CD8B2: variants seen among roughly 807,000 people sequenced by gnomAD.
The protein encoded by CD8B2 is T-cell surface glycoprotein CD8 beta-2 chain.
In CD8B2, 11 loss-of-function variants were observed where a neutral mutation model predicts 23.7. The ratio of observed to expected loss-of-function variants is 0.46; its 90% CI spans 0.29 to 0.77. The LOEUF (loss-of-function observed/expected upper bound fraction) is 0.77. CD8B2 is among the 30% of genes least tolerant of loss of function. The pLI, the probability that CD8B2 is intolerant of heterozygous loss-of-function variation, is 0.09. For synonymous variants in CD8B2, 90 were observed against 109.3 expected (o/e 0.82, Z 1.10); for missense variants, 197 against 270.5 (o/e 0.73, Z 1.91).
chr2:106,491,031 C>T lies in CD8B2; in HGVS notation c.201C>T (p.His67=), dbSNP rs183575941. 3.0e-4 allele frequency: 492 copies of T among 1,613,948 alleles called. 1 individual carries two copies. Among genetic ancestry groups the T allele is most frequent in the Non-Finnish European group, 1.2e-4 (139 of 1,179,846 alleles). The change falls in exon 2 of 6, where the codon CAC becomes CAT. Residue 67 remains histidine, a synonymous_variant. Transcript: ENST00000643224. The stretch of plus-strand genomic sequence containing the variant: ...AGGCCCCGAGCAGTGATAGTCACCA[C>T]GAGTTCCTGACCCTCTGGGATTCCG... ...QRQAPSSDSH[H]EFLTLWDSAK... is the part of the protein sequence containing the mutation.
intron 5 of CD8B2, among the ~76,000 whole-genome samples, chr2:106,516,857 A>G (rs1411790164): frequency 6.6e-6 from 1 of 150,930 alleles, no homozygotes; most frequent in East Asian, 1.9e-4. Context: ...AGGCTTTTTC[A>G]AAATTTATTA....
Position 106,509,177 on chromosome 2 carries a change from C to G in CD8B2, c.*2237C>G, listed in dbSNP as rs1242509566. The G allele has an allele frequency of 6.6e-6, 1 of 152,286 alleles. No homozygotes were observed. Among genetic ancestry groups the G allele is most frequent in the East Asian group, 1.9e-4 (1 of 5,188 alleles). The allele number at this position is 152,286 out of a possible 1,614,324, so 9.4% of individuals were successfully genotyped here. The stretch of plus-strand genomic sequence containing the variant: ...TTCTCCTTGATTCAGCACGAATTGG[C>G]CTTAGATTCCCTGGCCCCAGACCCT... On this transcript the variant is annotated 3_prime_UTR_variant, in exon 6 of 6. Coordinates refer to ENST00000643224, the MANE Select transcript of CD8B2 (RefSeq NM_001349727.2).
At chr2:106,495,972 T>C (rs940838484) in intron 2 of CD8B2, among the ~76,000 whole-genome samples, 5 of 151,960 alleles carry the variant, frequency 3.3e-5, no homozygotes, top group Non-Finnish European at 7.4e-5. Context: ...CTAAACTTTT[T>C]ATTTTTTGTA....
intron 5 of CD8B2, among the ~76,000 whole-genome samples, chr2:106,523,862 C>T (rs905701890): frequency 3.3e-5 from 5 of 152,158 alleles, no homozygotes; most frequent in Non-Finnish European, 7.3e-5. Context: ...GAATTGCTTT[C>T]TCATTGGGTC....
At chr2:106,495,646 C>G (rs371117456) in intron 2 of CD8B2, among the ~76,000 whole-genome samples, 4 of 152,152 alleles carry the variant, frequency 2.6e-5, no homozygotes, top group Non-Finnish European at 4.4e-5. Context: ...AAAGCTGAAC[C>G]CCATCCCTAG....
rs891491604 is a variant in CD8B2 at position 106,502,520 on chromosome 2, C to G, written c.540C>G (p.Val180=). 3 of 1,585,106 alleles carry G rather than the reference C, an allele frequency of 1.9e-6. No homozygotes were observed. The African/African-American group carries it at 4.0e-5, about 21-fold the overall frequency. The change falls in exon 4 of 6, where the codon GTC becomes GTG. Residue 180 remains valine (V), a synonymous_variant. Coordinates refer to ENST00000643224, the MANE Select transcript of CD8B2 (RefSeq NM_001349727.2). ...CCCTTGGCCTGCTGGTGGCTGGCGT[C>G]CTGGTTCTGCTGGTTTCCCTGGGAG... The part of the protein sequence containing the change: ...PVTLGLLVAG[V]LVLLVSLGVA...
intron 5 of CD8B2, among the ~76,000 whole-genome samples, chr2:106,518,062 C>G (rs951959392): frequency 6.6e-6 from 1 of 152,138 alleles, no homozygotes; most frequent in Non-Finnish European, 1.5e-5. Flanking sequence ...AATACTGAGG[C>G]TTCTGAATTC....
At chr2:106,494,160 T>C (rs1573329569) in intron 2 of CD8B2, among the ~76,000 whole-genome samples, 1 of 151,576 alleles carries the variant, frequency 6.6e-6, no homozygotes, top group East Asian at 1.9e-4. Flanking sequence ...CAACACCTTT[T>C]TTTTTTTTTG....
chr2:106,503,263 G>A (rs1001143922), intron 4 of CD8B2, among the ~76,000 whole-genome samples: 4 of 152,150 alleles, frequency 2.6e-5, no homozygotes, highest in Non-Finnish European at 4.4e-5. Flanking sequence ...CCCTCTCTGC[G>A]CATCTATAAA....
rs145664051 is a variant in CD8B2, at chr2:106,533,183, C to T, written c.621-10809C>T. Among the ~76,000 whole-genome samples the T allele has an allele frequency of 4.6e-5, 7 of 152,282 alleles. No homozygotes were observed. The East Asian group carries it at 1.4e-3, about 29-fold the overall frequency. On this transcript the variant is annotated intron_variant, in intron 5 of 5. Coordinates refer to the CD8B2 transcript ENST00000416057. ...CCTGTGGTCCCAGGGGACAGGAATG[C>T]CACAGAGGGCAGAATCCGGGGGCAC...
chr2:106,501,966 A>G (rs1444716118), intron 3 of CD8B2, among the ~76,000 whole-genome samples: 1 of 152,200 alleles, frequency 6.6e-6, no homozygotes, highest in East Asian at 1.9e-4. Context: ...AAATTTTATA[A>G]TAAAATGATT....
downstream of CD8B2, among the ~76,000 whole-genome samples, chr2:106,515,697 T>G (rs963979494): frequency 2.0e-5 from 3 of 152,118 alleles, no homozygotes; most frequent in Admixed American, 6.5e-5. Context: ...AGACTAAGAC[T>G]TCTCTCAGGA....
At chr2:106,533,828 T>A (rs1032331744) in intron 5 of CD8B2, among the ~76,000 whole-genome samples, 1 of 152,150 alleles carries the variant, frequency 6.6e-6, no homozygotes, top group Non-Finnish European at 1.5e-5. Flanking sequence ...GGAGAAGGGA[T>A]GTTCCCCAAA....
At chr2:106,533,274 G>C (rs1378354286) in intron 5 of CD8B2, among the ~76,000 whole-genome samples, 2 of 152,176 alleles carry the variant, frequency 1.3e-5, no homozygotes, top group East Asian at 3.9e-4. Context: ...TAACATCATG[G>C]AGAGACTCAA....
chr2:106,537,095 C>T (rs1294566730), intron 5 of CD8B2, among the ~76,000 whole-genome samples: 1 of 152,140 alleles, frequency 6.6e-6, no homozygotes, highest in Non-Finnish European at 1.5e-5. Context: ...CGTCACCACC[C>T]CATCAGCAGG....
intron 1 of CD8B2, among the ~76,000 whole-genome samples, chr2:106,488,028 C>T (rs1679112508): frequency 6.6e-6 from 1 of 152,120 alleles, no homozygotes; most frequent in Admixed American, 6.5e-5. Context: ...AGGAAGCAGC[C>T]TGGAGGTTGG....
intron 2 of CD8B2, among the ~76,000 whole-genome samples, chr2:106,492,638 A>C (rs1054786040): frequency 6.6e-6 from 1 of 151,968 alleles, no homozygotes; most frequent in African/African-American, 2.4e-5. Flanking sequence ...GCTGGAGCCA[A>C]CCCCCTCCAG....
chr2:106,543,874 G>A, intron 5 of CD8B2: 2 of 310,238 alleles, frequency 6.4e-6, no homozygotes, highest in Non-Finnish European at 1.0e-5. Flanking sequence ...CCATGAACTT[G>A]GATGGATTTC....
At chr2:106,526,328 T>A (rs1679906447) in intron 5 of CD8B2, among the ~76,000 whole-genome samples, 1 of 151,828 alleles carries the variant, frequency 6.6e-6, no homozygotes. Flanking sequence ...ATTCACAGAG[T>A]GGTGAAACCA....
Sources: allele counts gnomAD v4.1 joint callset (sites outside exome capture counted in the v4.1 genomes callset), GRCh38; gene constraint gnomAD v4.1.1; transcripts MANE v1.5; gene names NCBI Gene and HGNC (gene_info 2026-07-23, HGNC 2026-07-21).